Variants in ZNF385D observed in about 807,000 individuals in gnomAD.
ZNF385D encodes zinc finger protein 385D, also known as zinc finger protein 659.
Under a neutral mutation model 35.8 loss-of-function variants are expected in ZNF385D, and 15 were observed. The ratio of observed to expected loss-of-function variants is 0.42; its 90% CI spans 0.28 to 0.64. The LOEUF is 0.64. ZNF385D is among the 30% of genes least tolerant of loss of function. ZNF385D has a pLI of 0.23. For synonymous variants in ZNF385D, 212 were observed against 186.8 expected (o/e 1.13, Z -1.10); for missense variants, 474 against 494.6 (o/e 0.96, Z 0.39).
intron 1 of ZNF385D, among the ~76,000 whole-genome samples, chr3:21,682,560 T>C (rs2066951055): frequency 6.7e-6 from 1 of 150,132 alleles, no homozygotes; most frequent in Non-Finnish European, 1.5e-5. Flanking sequence ...TCAGGTCCTT[T>C]AATAGAAATG....
intron 3 of ZNF385D, among the ~76,000 whole-genome samples, chr3:21,895,319 CTTTTTTTTTTTTT>C (rs34167369): frequency 1.6e-5 from 1 of 62,690 alleles, no homozygotes; most frequent in South Asian, 8.9e-4. Context: ...AAATGTGTGG[CTTTTTTTTTTTTT>C]TTTTTTTTTT....
chr3:21,500,932 AT>A (rs1441959406), intron 4 of ZNF385D, among the ~76,000 whole-genome samples: 1 of 152,182 alleles, frequency 6.6e-6, no homozygotes, highest in East Asian at 1.9e-4. Context: ...AAACAAGGCA[AT>A]TCCCGTGGCC....
chr3:21,653,849 G>A (rs951468029), intron 2 of ZNF385D, among the ~76,000 whole-genome samples: 1 of 152,012 alleles, frequency 6.6e-6, no homozygotes, highest in Non-Finnish European at 1.5e-5. Context: ...ATGTTAGAAA[G>A]TGGCAGAAAA....
intron 2 of ZNF385D, among the ~76,000 whole-genome samples, chr3:22,286,980 C>T (rs536590268): frequency 2.0e-4 from 30 of 152,074 alleles, no homozygotes; most frequent in African/African-American, 7.0e-4. Context: ...GGATGTTGAT[C>T]CCCTACAATT....
chr3:21,550,678 T>A (rs187230631), intron 3 of ZNF385D, among the ~76,000 whole-genome samples: 1 of 152,278 alleles, frequency 6.6e-6, no homozygotes, highest in East Asian at 1.9e-4. Context: ...AGACAGAGTT[T>A]CACCATGTTG....
intron 3 of ZNF385D, among the ~76,000 whole-genome samples, chr3:21,905,775 C>G (rs1699655122): frequency 1.3e-5 from 2 of 151,720 alleles, no homozygotes; most frequent in African/African-American, 4.8e-5. Context: ...ACTTGCTAAC[C>G]TGACCTTTGT....
chr3:21,751,458 G>A, upstream of ZNF385D: 1 of 986,518 alleles, frequency 1.0e-6, no homozygotes, highest in Non-Finnish European at 1.2e-6. Flanking sequence ...TGGTTAAGGC[G>A]AGTTCTGCCA....
At chr3:21,952,174 C>G (rs1425423400) in intron 3 of ZNF385D, among the ~76,000 whole-genome samples, 1 of 151,972 alleles carries the variant, frequency 6.6e-6, no homozygotes, top group African/African-American at 2.4e-5. Flanking sequence ...TTTCCTCTCT[C>G]CTCTCATGGC....
At chr3:21,809,535 A>G (rs2072809316) in intron 3 of ZNF385D, among the ~76,000 whole-genome samples, 2 of 151,670 alleles carry the variant, frequency 1.3e-5, no homozygotes, top group African/African-American at 4.8e-5. Context: ...GTAGATTGTG[A>G]TAATTTAAGA....
intron 1 of ZNF385D, among the ~76,000 whole-genome samples, chr3:21,693,872 C>CT (rs375360816): frequency 1.1e-4 from 16 of 142,500 alleles, no homozygotes; most frequent in Middle Eastern, 3.6e-3. Flanking sequence ...TTTAGAAAAT[C>CT]TTTTTTTTTC....
At chr3:21,549,943 T>G (rs190914893) in intron 3 of ZNF385D, among the ~76,000 whole-genome samples, 1 of 152,290 alleles carries the variant, frequency 6.6e-6, no homozygotes, top group Admixed American at 6.5e-5. Flanking sequence ...GGACAATTTG[T>G]CCCTGCATTT....
At chr3:21,858,595 G>A (rs1180887356) in intron 3 of ZNF385D, among the ~76,000 whole-genome samples, 1 of 152,064 alleles carries the variant, frequency 6.6e-6, no homozygotes, top group Non-Finnish European at 1.5e-5. Flanking sequence ...ATGAGGAATA[G>A]TCTCTCAGGA....
At chr3:22,180,214 C>A (rs955213223) in intron 2 of ZNF385D, among the ~76,000 whole-genome samples, 1 of 152,316 alleles carries the variant, frequency 6.6e-6, no homozygotes, top group South Asian at 2.1e-4. Context: ...TCGACACATA[C>A]ACCCTCCGAA....
chr3:21,650,047 GA>G (rs544406370), intron 2 of ZNF385D, among the ~76,000 whole-genome samples: 3,067 of 147,070 alleles, frequency 0.021, 108 homozygotes, highest in African/African-American at 0.073. Context: ...AGTGAATATA[GA>G]AAAAAAAAAT....
chr3:22,186,653 A>G (rs1007083823), intron 2 of ZNF385D, among the ~76,000 whole-genome samples: 2 of 152,120 alleles, frequency 1.3e-5, no homozygotes, highest in African/African-American at 4.8e-5. Flanking sequence ...AGAATTTGAT[A>G]TATTTTTGGT....
At chr3:21,510,826 G>A (rs752276496) in intron 4 of ZNF385D, 35 bp downstream of exon 4, 16 of 1,609,680 alleles carry the variant, frequency 9.9e-6, no homozygotes, top group Admixed American at 1.7e-5. Flanking sequence ...CAACGACGAC[G>A]ACGAGGACAA....
chr3:21,541,564 G>T (rs911256569), intron 3 of ZNF385D, among the ~76,000 whole-genome samples: 1 of 152,060 alleles, frequency 6.6e-6, no homozygotes, highest in Non-Finnish European at 1.5e-5. Context: ...AATTACACAG[G>T]AATAGACATT....
At chr3:22,292,427 G>A (rs961943274) in intron 2 of ZNF385D, among the ~76,000 whole-genome samples, 1 of 151,984 alleles carries the variant, frequency 6.6e-6, no homozygotes, top group Non-Finnish European at 1.5e-5. Context: ...AGCCATTGTA[G>A]GCTTTAATTA....
chr3:21,529,009 C>T (rs2061856107), intron 3 of ZNF385D, among the ~76,000 whole-genome samples: 1 of 152,078 alleles, frequency 6.6e-6, no homozygotes, highest in Non-Finnish European at 1.5e-5. Flanking sequence ...TAAAGTAATA[C>T]CTAGAAGATG....
Sources: gnomAD v4.1 joint callset for allele counts (sites outside exome capture counted in the v4.1 genomes callset) on GRCh38, gnomAD v4.1.1 for gene constraint, MANE v1.5 for transcripts, NCBI Gene and HGNC (gene_info 2026-07-23, HGNC 2026-07-21) for gene names.